The following RPA1 variants were observed in gnomAD, a reference collection of about 807,000 sequenced individuals.
RPA1 encodes replication protein A1, also known as replication protein A 70 kDa DNA-binding subunit.
Under a neutral mutation model 83.0 loss-of-function variants are expected in RPA1, and 49 were observed. The observed-to-expected ratio is 0.59, with a 90% CI of 0.47 to 0.75. The LOEUF is 0.75. Among genes scored for constraint, RPA1 ranks in the 30% least tolerant of loss-of-function variants. The pLI is 0.00. For synonymous variants in RPA1, 279 were observed against 281.8 expected (o/e 0.99, Z 0.10); for missense variants, 693 against 776.1 (o/e 0.89, Z 1.27).
At chr17:1,831,544 A>T (rs556117734) in intron 1 of RPA1, among the ~76,000 whole-genome samples, 24 of 151,126 alleles carry the variant, frequency 1.6e-4, no homozygotes, top group East Asian at 1.5e-3. Context: ...ATTTTTTTTT[A>T]AATTTAGATT....
chr17:1,886,794 G>C (rs1914011852), intron 13 of RPA1, among the ~76,000 whole-genome samples: 1 of 149,932 alleles, frequency 6.7e-6, no homozygotes. Flanking sequence ...TCAGCCTCTG[G>C]AGTAGCTGGG....
chr17:1,886,287 G>T (rs1203437144), intron 13 of RPA1, among the ~76,000 whole-genome samples: 1 of 152,210 alleles, frequency 6.6e-6, no homozygotes, highest in Non-Finnish European at 1.5e-5. Flanking sequence ...TGTCATCCAA[G>T]CTTTGATATT....
intron 5 of RPA1, among the ~76,000 whole-genome samples, chr17:1,866,778 A>G (rs1456399768): frequency 6.6e-6 from 1 of 152,198 alleles, no homozygotes; most frequent in Non-Finnish European, 1.5e-5. Flanking sequence ...TAGTTTTTAC[A>G]CTGAAATTAT....
At chr17:1,838,744 T>C (rs1341181297) in intron 1 of RPA1, among the ~76,000 whole-genome samples, 1 of 152,242 alleles carries the variant, frequency 6.6e-6, no homozygotes, top group Non-Finnish European at 1.5e-5. Context: ...ATTTTATCTA[T>C]GATATATAGC....
Position 1,899,556 on chromosome 17 carries a change from G to A in RPA1, c.*2381G>A, listed in dbSNP as rs577762203. On this transcript the variant is annotated 3_prime_UTR_variant, in exon 17 of 17. Coordinates refer to ENST00000254719, the MANE Select transcript of RPA1 (RefSeq NM_002945.5). ...TCCATTAAAACCTTGCTAATCTCTC[G>A]CGTGCTGTTCCTTTTTTGAACTGCA... is the stretch of plus-strand genomic sequence containing the variant. 10 of 152,048 alleles carry A rather than the reference G, an allele frequency of 6.6e-5. No individual in the cohort carries two copies. The highest frequency in any genetic ancestry group is 2.2e-4 in the African/African-American group (9 of 41,458). 9.4% of individuals were successfully genotyped at this position (152,048 alleles called of 1,614,324 possible). A position where few individuals can be genotyped will look rare whatever the true frequency, so the allele number is the denominator to read the frequency against.
intron 5 of RPA1, among the ~76,000 whole-genome samples, chr17:1,867,743 G>C (rs1567815785): frequency 6.6e-6 from 1 of 151,756 alleles, no homozygotes; most frequent in Non-Finnish European, 1.5e-5. Context: ...AGAAGATGGA[G>C]ATGATGAAAG....
chr17:1,856,830 CATACA>C (rs1912718659), intron 5 of RPA1, among the ~76,000 whole-genome samples: 1 of 151,758 alleles, frequency 6.6e-6, no homozygotes. Context: ...TATTATATAA[CATACA>C]TATATGTTTC....
In RPA1 at chr17:1,878,642, C is replaced by T. The variant is rs557252554; in HGVS notation, c.691-351C>T. 3.3e-5 allele frequency among the ~76,000 whole-genome samples: 5 copies of T among 152,274 alleles called. No individual in the cohort carries two copies. The South Asian group carries it at 8.3e-4, about 25-fold the overall frequency. ...CAGCACCTTCCTCGTGGGCTCTGGG[C>T]GTGTCCCTCAGTATTCAACTTTTTT... On this transcript the variant is annotated intron_variant, in intron 8 of 16. Transcript: ENST00000254719.
intron 15 of RPA1, among the ~76,000 whole-genome samples, chr17:1,894,029 GTTTTTTT>G (rs5818841): frequency 8.6e-5 from 11 of 127,598 alleles, no homozygotes; most frequent in African/African-American, 2.7e-4. Context: ...CCTGGCTTAA[GTTTTTTT>G]TTTTTTTTTT....
rs8064442 is a variant in RPA1, at chr17:1,830,016, A to T, written c.-78A>T. The T allele has an allele frequency of 4.7e-4, 572 of 1,224,982 alleles. 2 individuals are homozygous for T. In the African/African-American group the frequency reaches 5.2e-3, roughly 11 times the overall value. The allele number at this position is 1,224,982 out of a possible 1,614,324, so 75.9% of individuals were successfully genotyped here. ...GGTGCGCGCAACTTCTCGGGCCAATAACTGCGCAGCGCGCGGGACCCGGGT... is the reference window on the plus strand; with the variant it reads ...GGTGCGCGCAACTTCTCGGGCCAATTACTGCGCAGCGCGCGGGACCCGGGT... On this transcript the variant is annotated 5_prime_UTR_variant, in exon 1 of 17. Coordinates refer to ENST00000254719, the MANE Select transcript of RPA1 (RefSeq NM_002945.5).
intron 16 of RPA1, among the ~76,000 whole-genome samples, chr17:1,895,610 T>C (rs1205363088): frequency 6.6e-6 from 1 of 151,774 alleles, no homozygotes; most frequent in African/African-American, 2.4e-5. Context: ...AGGCCACGTG[T>C]GGTTAAAACT....
Position 1,899,429 on chromosome 17 carries a change from A to C in RPA1, c.*2254A>C, listed in dbSNP as rs886981713. On this transcript the variant is annotated 3_prime_UTR_variant, in exon 17 of 17. Coordinates refer to ENST00000254719, the MANE Select transcript of RPA1 (RefSeq NM_002945.5). The stretch of plus-strand genomic sequence containing the variant: ...ATCTAATCATTTCGCCTTTATTTCA[A>C]GTGGTTCTTGAATTCCCTCCAGTCT... 4.6e-5 allele frequency: 7 copies of C among 152,308 alleles called. No homozygotes were observed. Among genetic ancestry groups the C allele is most frequent in the African/African-American group, 1.7e-4 (7 of 41,440 alleles). 9.4% of individuals were successfully genotyped at this position (152,308 alleles called of 1,614,324 possible). A position where few individuals can be genotyped will look rare whatever the true frequency, so the allele number is the denominator to read the frequency against.
At chr17:1,880,808 C>A in intron 12 of RPA1, 117 bp downstream of exon 12, 1 of 1,392,332 alleles carries the variant, frequency 7.2e-7, no homozygotes, top group Non-Finnish European at 9.8e-7. Flanking sequence ...AGTGGTGCAG[C>A]TTCCGTGTTT....
intron 15 of RPA1, among the ~76,000 whole-genome samples, chr17:1,893,357 GC>G (rs1423297050): frequency 1.3e-5 from 2 of 152,166 alleles, no homozygotes; most frequent in Non-Finnish European, 2.9e-5. Context: ...CGCACTCCAC[GC>G]CCCTCATCTT....
At chr17:1,839,863 C>G (rs1314816136) in intron 1 of RPA1, among the ~76,000 whole-genome samples, 1 of 140,360 alleles carries the variant, frequency 7.1e-6, no homozygotes. Context: ...TGCCATCTCA[C>G]CTTACTGCAG....
Position 1,879,545 on chromosome 17 carries a change from G to T in RPA1, c.953-15G>T. 4 of 1,614,144 alleles carry T rather than the reference G, an allele frequency of 2.5e-6. No homozygotes were observed. The highest frequency in any genetic ancestry group is 3.4e-6 in the Non-Finnish European group (4 of 1,180,026). ...AGTCTTGACCACCTCCTGCTAACACGTGCATGTGTTTTAGACATCATCGGG... is the reference window on the plus strand; with the variant it reads ...AGTCTTGACCACCTCCTGCTAACACTTGCATGTGTTTTAGACATCATCGGG... On this transcript the variant is annotated splice_polypyrimidine_tract_variant and intron_variant, in intron 10 of 16. Coordinates refer to ENST00000254719, the MANE Select transcript of RPA1 (RefSeq NM_002945.5).
chr17:1,890,773 C>T (rs1914175044), intron 14 of RPA1, among the ~76,000 whole-genome samples: 1 of 152,198 alleles, frequency 6.6e-6, no homozygotes, highest in Admixed American at 6.5e-5. Context: ...TTTCATTGAA[C>T]TAAGATGAAG....
At chr17:1,863,307 G>A (rs1325406258) in intron 5 of RPA1, among the ~76,000 whole-genome samples, 1 of 151,628 alleles carries the variant, frequency 6.6e-6, no homozygotes, top group Non-Finnish European at 1.5e-5. Flanking sequence ...CACCTCCCGG[G>A]CTCAAGCGAT....
intron 8 of RPA1, among the ~76,000 whole-genome samples, chr17:1,878,536 C>A (rs975590513): frequency 6.6e-6 from 1 of 152,134 alleles, no homozygotes; most frequent in African/African-American, 2.4e-5. Flanking sequence ...CTTACTCTGA[C>A]ATTTTTGGCA....
Sources: gnomAD v4.1 joint callset for allele counts (sites outside exome capture counted in the v4.1 genomes callset) on GRCh38, gnomAD v4.1.1 for gene constraint, MANE v1.5 for transcripts, NCBI Gene and HGNC (gene_info 2026-07-23, HGNC 2026-07-21) for gene names.